Variants in MTMR1 observed in about 807,000 individuals in gnomAD.
The protein encoded by MTMR1 is phosphatidylinositol-3-phosphate phosphatase MTMR1.
A neutral mutation model predicts 51.6 loss-of-function variants in MTMR1; 17 were observed. The ratio of observed to expected loss-of-function variants is 0.33; its 90% CI spans 0.23 to 0.49. The LOEUF (loss-of-function observed/expected upper bound fraction) is 0.49. MTMR1 is among the 20% of genes least tolerant of loss of function. The pLI, the probability that MTMR1 is intolerant of heterozygous loss-of-function variation, is 0.99. For synonymous variants in MTMR1, 201 were observed against 205.6 expected, an observed-to-expected ratio of 0.98 and a Z score of 0.19; for missense variants, 386 against 526.9, an observed-to-expected ratio of 0.73 and a Z score of 2.62.
At chrX:150,745,797 A>T (rs913242985) in intron 13 of MTMR1, among the ~76,000 whole-genome samples, 2 of 112,189 alleles carry the variant, frequency 1.8e-5, no homozygotes, top group Admixed American at 9.4e-5. Flanking sequence ...ACAACCAGTG[A>T]TCTAGCTTAG....
At chrX:150,750,346 T>G in intron 13 of MTMR1, among the ~76,000 whole-genome samples, 1 of 112,233 alleles carries the variant, frequency 8.9e-6, no homozygotes, top group Non-Finnish European at 1.9e-5. Flanking sequence ...CCCTCATTTG[T>G]TTCCCTTCTC....
intron 13 of MTMR1, among the ~76,000 whole-genome samples, chrX:150,744,756 A>G (rs1273595573): frequency 8.9e-6 from 1 of 112,026 alleles, no homozygotes; most frequent in Non-Finnish European, 1.9e-5. Flanking sequence ...TTAAGGAAGT[A>G]CAGTCTCCTG....
intron 9 of MTMR1, 136 bp from the exon 10 acceptor site, chrX:150,732,406 G>A (rs2042144654): frequency 9.8e-6 from 5 of 511,946 alleles, no homozygotes; most frequent in Middle Eastern, 5.6e-4. Context: ...TGCTGTGATT[G>A]GCCTGCCCAC....
rs2042072034 is a variant in MTMR1, at chrX:150,730,200, C to G, written c.647C>G (p.Ser216Cys). The change falls in exon 7 of 16, where the codon TCT becomes TGT. Residue 216 changes from serine (S) to cysteine (C), a missense_variant. Transcript: ENST00000445323. ...CTCAACAAACATGCATTTCCTCTTTCTAACGGACAGGTAAATACACCAGAG... is the reference window on the plus strand; with the variant it reads ...CTCAACAAACATGCATTTCCTCTTTGTAACGGACAGGTAAATACACCAGAG... ...ENLNKHAFPL[S>C]NGQALFAFSY... 1.7e-6 allele frequency: 2 copies of G among 1,186,535 alleles called. No individual in the cohort carries two copies. The highest frequency in any genetic ancestry group is 1.8e-5 in the South Asian group (1 of 54,756).
intron 10 of MTMR1, among the ~76,000 whole-genome samples, chrX:150,733,693 T>C (rs781838850): frequency 1.3e-4 from 15 of 111,359 alleles, no homozygotes; most frequent in Non-Finnish European, 2.6e-4. Context: ...GTTCCTCTTC[T>C]GTAAAACAGG....
chrX:150,760,039 C>G (rs1230890098), intron 15 of MTMR1, among the ~76,000 whole-genome samples: 1 of 109,504 alleles, frequency 9.1e-6, no homozygotes, highest in African/African-American at 3.3e-5. Flanking sequence ...GGAAGTGAAT[C>G]CATTCCAAGT....
intron 15 of MTMR1, among the ~76,000 whole-genome samples, chrX:150,758,222 C>T (rs1396488947): frequency 6.3e-5 from 7 of 111,489 alleles, no homozygotes; most frequent in African/African-American, 2.3e-4. Context: ...CCTGCCCACC[C>T]TAAACCTGTC....
chrX:150,748,957 T>C (rs2042652723), intron 13 of MTMR1, among the ~76,000 whole-genome samples: 1 of 112,387 alleles, frequency 8.9e-6, no homozygotes, highest in South Asian at 3.7e-4. Context: ...GTAGATATTG[T>C]TAGCATTTCA....
At chrX:150,726,811 A>C (rs185957017) in intron 4 of MTMR1, among the ~76,000 whole-genome samples, 1 of 112,259 alleles carries the variant, frequency 8.9e-6, no homozygotes, top group East Asian at 2.8e-4. Context: ...TTTCCTTTGG[A>C]GATGCATTAG....
At chrX:150,712,712 G>A (rs2041355525) in intron 3 of MTMR1, 1 of 216,970 alleles carries the variant, frequency 4.6e-6, no homozygotes, top group African/African-American at 3.0e-5. Context: ...CTTGTTTATT[G>A]TGTAATTCAT....
At chrX:150,701,598 GTCA>G (rs782035130) in intron 2 of MTMR1, among the ~76,000 whole-genome samples, 5 of 111,689 alleles carry the variant, frequency 4.5e-5, no homozygotes, top group Admixed American at 2.8e-4. Context: ...ATGGTTCTAT[GTCA>G]TCATCATCAT....
chrX:150,725,698 A>G (rs5925410), intron 4 of MTMR1, among the ~76,000 whole-genome samples: 32,889 of 110,464 alleles, frequency 0.3, 3,645 homozygotes, highest in South Asian at 0.5. Context: ...TTACTTTTAC[A>G]TATGTTATAA....
intron 2 of MTMR1, among the ~76,000 whole-genome samples, chrX:150,700,961 T>A (rs1340754055): frequency 8.9e-6 from 1 of 112,594 alleles, no homozygotes; most frequent in Non-Finnish European, 1.9e-5. Context: ...TTACAAATTT[T>A]GTGTAGCTGA....
chrX:150,754,701 A>G (rs2042851860), intron 14 of MTMR1, among the ~76,000 whole-genome samples: 2 of 111,891 alleles, frequency 1.8e-5, no homozygotes, highest in South Asian at 7.4e-4. Flanking sequence ...AAGGAACCTT[A>G]ACTGTAAAAT....
At chrX:150,731,100 C>T (rs782790460) in intron 8 of MTMR1, among the ~76,000 whole-genome samples, 4 of 111,915 alleles carry the variant, frequency 3.6e-5, no homozygotes, top group South Asian at 3.7e-4. Flanking sequence ...TAATGTTTTA[C>T]GTTACTTATT....
chrX:150,715,287 A>G (rs1259415439), intron 3 of MTMR1, among the ~76,000 whole-genome samples: 1 of 112,046 alleles, frequency 8.9e-6, no homozygotes, highest in Non-Finnish European at 1.9e-5. Flanking sequence ...CGGAGAGGCC[A>G]GGGTTGTTGG....
intron 10 of MTMR1, among the ~76,000 whole-genome samples, chrX:150,733,210 C>T (rs1368762678): frequency 2.7e-5 from 3 of 111,438 alleles, no homozygotes; most frequent in African/African-American, 9.8e-5. Context: ...AAAACACCTC[C>T]GTTCCCATGA....
chrX:150,758,773 G>T (rs1158870017), intron 15 of MTMR1, among the ~76,000 whole-genome samples: 1 of 107,106 alleles, frequency 9.3e-6, no homozygotes, highest in African/African-American at 3.5e-5. Context: ...TCCAGCCTGG[G>T]CGACAGAGTG....
intron 4 of MTMR1, among the ~76,000 whole-genome samples, chrX:150,718,924 C>A (rs1557416507): frequency 9.0e-6 from 1 of 110,793 alleles, no homozygotes; most frequent in Non-Finnish European, 1.9e-5. Flanking sequence ...GCGTTCCCAA[C>A]AGAAGAGGGG....
Sources: allele counts gnomAD v4.1 joint callset (sites outside exome capture counted in the v4.1 genomes callset), GRCh38; gene constraint gnomAD v4.1.1; transcripts MANE v1.5; gene names NCBI Gene and HGNC (gene_info 2026-07-23, HGNC 2026-07-21).